MTR: variants seen among roughly 807,000 people sequenced by gnomAD.
MTR encodes 5-methyltetrahydrofolate-homocysteine methyltransferase.
A neutral mutation model predicts 154.8 loss-of-function variants in MTR; 84 were observed. The ratio of observed to expected loss-of-function variants is 0.54; its 90% CI spans 0.45 to 0.65. The LOEUF is 0.65. Among genes scored for constraint, MTR ranks in the 30% least tolerant of loss-of-function variants. MTR has a pLI of 0.00. For missense variants in MTR, 1,275 were observed against 1,570.2 expected, an observed-to-expected ratio of 0.81 and a Z score of 3.18; for synonymous variants, 554 against 553.9, an observed-to-expected ratio of 1.00 and a Z score of 0.00.
rs1240959616 is a variant in MTR at position 236,897,315 on chromosome 1, C to CACACACACACACAT, written c.3711+210_3711+211insTACACACACACACA. On this transcript the variant is annotated intron_variant, in intron 32 of 32. Transcript: ENST00000366577. ...TACATGCAAGCCACACACACGCACA[C>CACACACACACACAT]ACACACACACACACACACACACACA... is the stretch of plus-strand genomic sequence containing the variant. Among the ~76,000 whole-genome samples the CACACACACACACAT allele has an allele frequency of 6.9e-5, 10 of 144,174 alleles. 1 individual carries two copies. Among genetic ancestry groups the CACACACACACACAT allele is most frequent in the African/African-American group, 2.8e-4 (10 of 35,252 alleles). The allele number at this position is 144,174 out of a possible 152,430, so 94.6% of individuals were successfully genotyped here.
In MTR at chr1:236,895,529, G is replaced by T. The variant is rs759671198; in HGVS notation, c.3577G>T (p.Ala1193Ser). ...CGAGAAGCTCACCATGTGGAGACTC[G>T]CAGACATCGAGCAGTCTACAGGTAG... ...HTEKLTMWRL[A>S]DIEQSTGIRL... The change falls in exon 31 of 33, where the codon GCA (alanine) becomes TCA (serine). Residue 1193 changes from alanine to serine, a missense_variant. Coordinates refer to ENST00000366577, the MANE Select transcript of MTR (RefSeq NM_000254.3). The T allele has an allele frequency of 4.4e-6, 7 of 1,578,028 alleles. No individual in the cohort carries two copies. Among genetic ancestry groups the T allele is most frequent in the Non-Finnish European group, 6.0e-6 (7 of 1,160,720 alleles).
intron 5 of MTR, chr1:236,811,633 T>C (rs1315522633): frequency 2.2e-6 from 1 of 456,138 alleles, no homozygotes; most frequent in Non-Finnish European, 4.4e-6. Context: ...GTTGATGCTC[T>C]CTTTGGTCTA....
intron 22 of MTR, among the ~76,000 whole-genome samples, chr1:236,871,416 TGAGA>T (rs1470640042): frequency 6.6e-6 from 1 of 152,158 alleles, no homozygotes. Context: ...AAGATGTTCC[TGAGA>T]GAAACACTGC....
At chr1:236,882,383 C>T (rs538279780) in intron 25 of MTR, among the ~76,000 whole-genome samples, 249 of 134,882 alleles carry the variant, frequency 1.8e-3, no homozygotes, top group African/African-American at 6.7e-3. Context: ...AGGACAAACC[C>T]CTTCACCATT....
At chr1:236,809,631 A>G (rs1661189203) in intron 4 of MTR, among the ~76,000 whole-genome samples, 1 of 152,184 alleles carries the variant, frequency 6.6e-6, no homozygotes, top group African/African-American at 2.4e-5. Flanking sequence ...AGAGAAGGAC[A>G]TTTTTCTTAT....
In MTR at chr1:236,903,601, T is replaced by C. The variant is rs995149826; in HGVS notation, c.*5957T>C. 3 of 152,198 alleles carry C rather than the reference T, an allele frequency of 2.0e-5. No individual in the cohort carries two copies. The highest frequency in any genetic ancestry group is 2.0e-4 in the Admixed American group (3 of 15,276). 9.4% of individuals were successfully genotyped at this position (152,198 alleles called of 1,614,324 possible). A position where few individuals can be genotyped will look rare whatever the true frequency, so the allele number is the denominator to read the frequency against. ...GGTTTTTGAGAACCTTGAGAGTGTATATTCTATGAAATGGAAGAAACAAGA... is the reference window on the plus strand; with the variant it reads ...GGTTTTTGAGAACCTTGAGAGTGTACATTCTATGAAATGGAAGAAACAAGA... On this transcript the variant is annotated 3_prime_UTR_variant, in exon 33 of 33. Coordinates refer to ENST00000366577, the MANE Select transcript of MTR (RefSeq NM_000254.3).
At chr1:236,806,591 AAC>A (rs1331639454) in intron 3 of MTR, among the ~76,000 whole-genome samples, 1 of 152,196 alleles carries the variant, frequency 6.6e-6, no homozygotes, top group Non-Finnish European at 1.5e-5. Context: ...GTGATTAAAT[AAC>A]ACTAAAATTT....
chr1:236,856,583 C>T (rs557121675), intron 18 of MTR, among the ~76,000 whole-genome samples: 27 of 150,796 alleles, frequency 1.8e-4, no homozygotes, highest in Middle Eastern at 3.4e-3. Context: ...GCAGAATGTG[C>T]AGGTTTGTTA....
chr1:236,885,170 T>A lies in MTR; in HGVS notation c.2726T>A (p.Ile909Asn). ...CTAAAGGATGAATACTTTGAGGAAA[T>A]CATGGAAGAATATGAAGATATTAGA... ...ENLKDEYFEE[I>N]MEEYEDIRQD... The change falls in exon 26 of 33, where the codon ATC becomes AAC. Residue 909 changes from isoleucine (I) to asparagine (N), a missense_variant. Ile to Asn is a moderately radical substitution (Grantham distance 149). Coordinates refer to ENST00000366577, the MANE Select transcript of MTR (RefSeq NM_000254.3). The A allele has an allele frequency of 1.9e-6, 3 of 1,610,628 alleles. No homozygotes were observed. Among genetic ancestry groups the A allele is most frequent in the Non-Finnish European group, 2.5e-6 (3 of 1,176,884 alleles).
Position 236,795,359 on chromosome 1 carries a change from C to T in MTR, c.-345C>T, listed in dbSNP as rs1660304964. The T allele has an allele frequency of 1.5e-6, 2 of 1,356,744 alleles. No individual in the cohort carries two copies. Among genetic ancestry groups the T allele is most frequent in the Non-Finnish European group, 1.9e-6 (2 of 1,033,014 alleles). The allele number at this position is 1,356,744 out of a possible 1,614,324, so 84.0% of individuals were successfully genotyped here. A position where few individuals can be genotyped will look rare whatever the true frequency, so the allele number is the denominator to read the frequency against. On this transcript the variant is annotated 5_prime_UTR_variant, in exon 1 of 33. Coordinates refer to ENST00000366577, the MANE Select transcript of MTR (RefSeq NM_000254.3). ...TCAGAGCCGGATGTCACGTCGTCCTCCTCTGCCGGTTTTCTCTTGGGTCCT... is the reference window on the plus strand; with the variant it reads ...TCAGAGCCGGATGTCACGTCGTCCTTCTCTGCCGGTTTTCTCTTGGGTCCT...
Position 236,831,555 on chromosome 1 carries a change from A to G in MTR, c.1076-411A>G, listed in dbSNP as rs891612284. On this transcript the variant is annotated intron_variant, in intron 12 of 32. Coordinates refer to ENST00000366577, the MANE Select transcript of MTR (RefSeq NM_000254.3). ...GTGGGATTAAAAAAGCTTACTCCAT[A>G]TAGCTTTAAGCTAACATCTGAGCAG... 2.0e-5 allele frequency among the ~76,000 whole-genome samples: 3 copies of G among 152,250 alleles called. No homozygotes were observed. The East Asian group carries it at 5.8e-4, about 29-fold the overall frequency.
At chr1:236,822,247 T>C (rs2103085875) in intron 8 of MTR, among the ~76,000 whole-genome samples, 1 of 152,044 alleles carries the variant, frequency 6.6e-6, no homozygotes, top group African/African-American at 2.4e-5. Context: ...ATAGTTTTTT[T>C]CATATAGATC....
At chr1:236,802,093 A>G (rs962626509) in intron 1 of MTR, among the ~76,000 whole-genome samples, 2 of 152,212 alleles carry the variant, frequency 1.3e-5, no homozygotes, top group African/African-American at 4.8e-5. Context: ...ACCATTGTGC[A>G]TGGCATTTTA....
intron 18 of MTR, among the ~76,000 whole-genome samples, chr1:236,857,756 A>G (rs898531832): frequency 6.6e-6 from 1 of 152,178 alleles, no homozygotes; most frequent in African/African-American, 2.4e-5. Flanking sequence ...AAGTGCTGTG[A>G]GAGGGGAAGT....
chr1:236,834,979 A>G (rs1034293001), intron 13 of MTR, among the ~76,000 whole-genome samples: 8 of 152,174 alleles, frequency 5.3e-5, no homozygotes, highest in African/African-American at 1.9e-4. Flanking sequence ...CTTTTCATGT[A>G]ACTTCTATTA....
intron 15 of MTR, among the ~76,000 whole-genome samples, chr1:236,846,833 C>T (rs1165997379): frequency 1.3e-5 from 2 of 152,064 alleles, no homozygotes; most frequent in Non-Finnish European, 2.9e-5. Flanking sequence ...GTCAGTGTCT[C>T]TCTTGAAAGG....
intron 24 of MTR, 46 bp from the exon 25 acceptor site, chr1:236,880,709 C>A: frequency 7.0e-7 from 1 of 1,432,692 alleles, no homozygotes. Context: ...TGTATAGGAA[C>A]TGTCAGTGCT....
chr1:236,812,627 G>A, intron 5 of MTR, 111 bp from the exon 6 acceptor site: 1 of 833,062 alleles, frequency 1.2e-6, no homozygotes. Context: ...CTTAAACTAT[G>A]CATTGTAAAC....
intron 10 of MTR, 138 bp from the exon 11 acceptor site, chr1:236,826,691 A>C: frequency 1.4e-6 from 1 of 728,922 alleles, no homozygotes; most frequent in Non-Finnish European, 2.5e-6. Context: ...CTTTGTATCT[A>C]GAGTTAAGTA....
Sources: gnomAD v4.1 joint callset for allele counts (sites outside exome capture counted in the v4.1 genomes callset) on GRCh38, gnomAD v4.1.1 for gene constraint, MANE v1.5 for transcripts, NCBI Gene and HGNC (gene_info 2026-07-23, HGNC 2026-07-21) for gene names.